Variants in JAK2 observed in about 807,000 individuals in gnomAD.
JAK2 encodes Janus kinase 2, also known as tyrosine-protein kinase JAK2.
Under a neutral mutation model 139.3 loss-of-function variants are expected in JAK2, and 86 were observed. The observed-to-expected ratio is 0.62, with a 90% CI of 0.52 to 0.74. JAK2 has a LOEUF of 0.74. Ranked by LOEUF, JAK2 falls within the 30% of genes least tolerant of loss-of-function variation. The pLI is 0.00. For missense variants in JAK2, 1,421 were observed against 1,360.3 expected (o/e 1.04, Z -0.70); for synonymous variants, 490 against 437.7 (o/e 1.12, Z -1.49).
intron 19 of JAK2, among the ~76,000 whole-genome samples, chr9:5,083,814 G>A (rs1819881964): frequency 6.6e-6 from 1 of 152,052 alleles, no homozygotes; most frequent in East Asian, 1.9e-4. Context: ...GTGATATACT[G>A]CTTATAGAGA....
intron 2 of JAK2, among the ~76,000 whole-genome samples, chr9:5,017,237 C>T (rs572502528): frequency 6.6e-6 from 1 of 152,016 alleles, no homozygotes; most frequent in Admixed American, 6.5e-5. Flanking sequence ...ACTTAAAAAC[C>T]CACAGAGCCC....
chr9:5,055,798 C>T lies in JAK2; in HGVS notation c.1056+10C>T. 1 of 1,604,614 alleles carries T rather than the reference C, an allele frequency of 6.2e-7. No individual in the cohort carries two copies. Among genetic ancestry groups the T allele is most frequent in the Non-Finnish European group, 8.5e-7 (1 of 1,173,966 alleles). ...AGATGGTAAAAATCTGGTAAGTTTG[C>T]TTTATGATTGAATAATGGTTTCATT... On this transcript the variant is annotated intron_variant, in intron 8 of 24. Transcript: ENST00000381652.
At chr9:5,036,693 C>T (rs571118856) in intron 4 of JAK2, among the ~76,000 whole-genome samples, 1 of 152,140 alleles carries the variant, frequency 6.6e-6, no homozygotes. Context: ...CTTCCTTACA[C>T]CTTATACAAA....
chr9:5,084,425 C>T (rs1319349874), intron 19 of JAK2, among the ~76,000 whole-genome samples: 2 of 152,136 alleles, frequency 1.3e-5, no homozygotes, highest in Non-Finnish European at 1.5e-5. Flanking sequence ...AAATTAGCTA[C>T]TGTATCCCTT....
chr9:4,995,250 C>T (rs1820494125), intron 2 of JAK2, among the ~76,000 whole-genome samples: 1 of 152,308 alleles, frequency 6.6e-6, no homozygotes. Flanking sequence ...TTTGTGGGAG[C>T]TCTTATACTA....
At chr9:5,070,648 A>G (rs1378968173) in intron 12 of JAK2, among the ~76,000 whole-genome samples, 2 of 152,002 alleles carry the variant, frequency 1.3e-5, no homozygotes, top group African/African-American at 2.4e-5. Flanking sequence ...GAAATACTAT[A>G]TTTTCCAACT....
At chr9:5,126,089 G>C (rs185273353) in intron 23 of JAK2, 17 of 327,886 alleles carry the variant, frequency 5.2e-5, no homozygotes, top group Non-Finnish European at 7.2e-5. Flanking sequence ...TTTAGTTCAT[G>C]TGTTTTGAGC....
chr9:5,111,324 T>TC (rs987819364), intron 22 of JAK2: 5 of 443,204 alleles, frequency 1.1e-5, no homozygotes, highest in African/African-American at 6.1e-5. Flanking sequence ...CGGACCCCTG[T>TC]CCCCCTCAGG....
intron 12 of JAK2, 91 bp from the exon 13 acceptor site, chr9:5,072,401 A>T (rs1346231979): frequency 2.1e-6 from 2 of 940,152 alleles, no homozygotes. Context: ...TTATGGATTT[A>T]AAAAAATTCT....
intron 2 of JAK2, among the ~76,000 whole-genome samples, chr9:5,003,827 G>T (rs1563919148): frequency 6.7e-6 from 1 of 149,662 alleles, no homozygotes. Flanking sequence ...TAGGTATATT[G>T]TTTTTTTACT....
chr9:5,114,400 C>T (rs1018602091), intron 22 of JAK2: 13 of 511,774 alleles, frequency 2.5e-5, no homozygotes, highest in Non-Finnish European at 5.0e-5. Context: ...CTGGTGGGCA[C>T]CAGAGACTGG....
chr9:5,047,363 A>C (rs1174105344), intron 5 of JAK2, among the ~76,000 whole-genome samples: 2 of 152,260 alleles, frequency 1.3e-5, no homozygotes, highest in Non-Finnish European at 2.9e-5. Context: ...TGGAAAAGGT[A>C]AGCAAATAAA....
At chr9:5,109,056 T>C (rs1822218176) in intron 22 of JAK2, 1 of 152,134 alleles carries the variant, frequency 6.6e-6, no homozygotes, top group Non-Finnish European at 1.5e-5. Flanking sequence ...AAGGGAACTC[T>C]CTGTGATCAT....
Position 5,128,512 on chromosome 9 carries a change from A to C in JAK2, c.*1721A>C, listed in dbSNP as rs1824148631. Reference sequence around the variant, plus strand: ...ACAATATGCTTGATTTCAGATTTTCATACTAAAACTTAACTACATACTTAA... The same window carrying C: ...ACAATATGCTTGATTTCAGATTTTCCTACTAAAACTTAACTACATACTTAA... On this transcript the variant is annotated 3_prime_UTR_variant, in exon 25 of 25. Transcript: ENST00000381652. Among the ~76,000 whole-genome samples the C allele has an allele frequency of 6.6e-6, 1 of 151,896 alleles. No individual in the cohort carries two copies. Among genetic ancestry groups the C allele is most frequent in the Non-Finnish European group, 1.5e-5 (1 of 67,776 alleles).
In JAK2 at chr9:5,023,889, G is replaced by T. The variant is rs559701955; in HGVS notation, c.226+1676G>T. Among the ~76,000 whole-genome samples the T allele has an allele frequency of 3.3e-5, 5 of 149,518 alleles. No individual in the cohort carries two copies. In the East Asian group the frequency reaches 9.6e-4, roughly 29 times the overall value. On this transcript the variant is annotated intron_variant, in intron 3 of 24. Coordinates refer to ENST00000381652, the MANE Select transcript of JAK2 (RefSeq NM_004972.4). ...TTAGCTTATAGTAAGATTTTAGCTTGTAAGATTTTTTTAGCTTTTAAGATT... is the reference window on the plus strand; with the variant it reads ...TTAGCTTATAGTAAGATTTTAGCTTTTAAGATTTTTTTAGCTTTTAAGATT...
At chr9:5,030,354 A>C (rs1299720786) in intron 4 of JAK2, among the ~76,000 whole-genome samples, 1 of 152,184 alleles carries the variant, frequency 6.6e-6, no homozygotes, top group African/African-American at 2.4e-5. Context: ...AAGTTAATTT[A>C]TATAATTTAT....
intron 22 of JAK2, among the ~76,000 whole-genome samples, chr9:5,105,673 G>A (rs1821896555): frequency 6.6e-6 from 1 of 152,096 alleles, no homozygotes; most frequent in Non-Finnish European, 1.5e-5. Flanking sequence ...TATACTACAA[G>A]GCTACCGTAA....
chr9:5,108,647 T>A (rs1052689971), intron 22 of JAK2: 2 of 152,108 alleles, frequency 1.3e-5, no homozygotes, highest in Non-Finnish European at 2.9e-5. Context: ...GCGGCTGCGG[T>A]ATAATACGGC....
intron 2 of JAK2, among the ~76,000 whole-genome samples, chr9:5,015,350 C>G (rs953752690): frequency 6.6e-6 from 1 of 152,126 alleles, no homozygotes; most frequent in Non-Finnish European, 1.5e-5. Context: ...AAAACCTATT[C>G]AAGGGTTTAA....
Sources: gnomAD v4.1 joint callset for allele counts (sites outside exome capture counted in the v4.1 genomes callset) on GRCh38, gnomAD v4.1.1 for gene constraint, MANE v1.5 for transcripts, NCBI Gene and HGNC (gene_info 2026-07-23, HGNC 2026-07-21) for gene names.